TTC28: variants seen among roughly 807,000 people sequenced by gnomAD.
TTC28 encodes tetratricopeptide repeat domain 28.
In TTC28, 61 loss-of-function variants were observed where a neutral mutation model predicts 198.0. The observed-to-expected ratio is 0.31, with a 90% confidence interval of 0.25 to 0.38. TTC28 has a LOEUF of 0.38. Ranked by LOEUF, TTC28 falls within the 10% of genes least tolerant of loss-of-function variation. The pLI, the probability that TTC28 is intolerant of heterozygous loss-of-function variation, is 1.00. For synonymous variants in TTC28, 1,171 were observed against 1,297.8 expected (o/e 0.90, Z 2.10); for missense variants, 2,678 against 3,164.0 (o/e 0.85, Z 3.69).
chr22:28,442,644 G>A (rs1443585635), intron 2 of TTC28, among the ~76,000 whole-genome samples: 14 of 152,218 alleles, frequency 9.2e-5, no homozygotes, highest in Admixed American at 2.6e-4. Context: ...GGGTGCTTCC[G>A]AGCTGTCACC....
At chr22:28,017,128 G>A (rs1938407680) in intron 13 of TTC28, among the ~76,000 whole-genome samples, 1 of 152,218 alleles carries the variant, frequency 6.6e-6, no homozygotes, top group South Asian at 2.1e-4. Flanking sequence ...TGGAGAGGAT[G>A]GCTGCAGCAC....
intron 2 of TTC28, among the ~76,000 whole-genome samples, chr22:28,332,680 A>C (rs1292612710): frequency 6.6e-6 from 1 of 152,132 alleles, no homozygotes; most frequent in Non-Finnish European, 1.5e-5. Context: ...AGAAATACTC[A>C]TTTGTAAAAC....
intron 2 of TTC28, among the ~76,000 whole-genome samples, chr22:28,359,318 C>T (rs1177121052): frequency 6.6e-6 from 1 of 152,172 alleles, no homozygotes; most frequent in Non-Finnish European, 1.5e-5. Context: ...GTTTGTTTGA[C>T]TGTAGTCATG....
intron 2 of TTC28, among the ~76,000 whole-genome samples, chr22:28,537,537 C>T (rs2145921603): frequency 6.6e-6 from 1 of 151,704 alleles, no homozygotes; most frequent in South Asian, 2.1e-4. Flanking sequence ...CAAAAGTAAA[C>T]ATTTTTAAAT....
chr22:28,209,877 G>GCTC (rs1569199684), intron 5 of TTC28, among the ~76,000 whole-genome samples: 1 of 152,184 alleles, frequency 6.6e-6, no homozygotes, highest in African/African-American at 2.4e-5. Context: ...CTAACTGAGA[G>GCTC]ACACCTCCCA....
chr22:28,623,644 G>T (rs62235676), intron 2 of TTC28, among the ~76,000 whole-genome samples: 2,400 of 152,102 alleles, frequency 0.016, 16 homozygotes, highest in Non-Finnish European at 0.022. Context: ...CCACATGCAA[G>T]GCCATAAAAC....
chr22:28,356,517 G>A (rs134506), intron 2 of TTC28, among the ~76,000 whole-genome samples: 133,206 of 152,264 alleles, frequency 0.87, 58,442 homozygotes, highest in East Asian at 0.99. Context: ...CCATGGTCAC[G>A]CTCTCAACAA....
intron 5 of TTC28, among the ~76,000 whole-genome samples, chr22:28,218,285 A>T (rs888514229): frequency 6.6e-6 from 1 of 152,168 alleles, no homozygotes; most frequent in African/African-American, 2.4e-5. Flanking sequence ...AAGGCTACAG[A>T]TCTTCCAAAT....
chr22:28,260,078 C>T lies in TTC28; in HGVS notation c.933+36120G>A, dbSNP rs536663196. On this transcript the variant is annotated intron_variant, in intron 5 of 22. Coordinates refer to ENST00000397906, the MANE Select transcript of TTC28 (RefSeq NM_001145418.2). The stretch of plus-strand genomic sequence containing the variant: ...TTGGATGAACACTTCAGAGAAAAGA[C>T]GGGAACAGATGTGAAAGATGTAATA... Among the ~76,000 whole-genome samples the T allele has an allele frequency of 3.9e-5, 6 of 152,214 alleles. No individual in the cohort carries two copies. In the East Asian group the frequency reaches 5.8e-4, roughly 15 times the overall value.
chr22:28,265,783 G>A (rs1931644518), intron 5 of TTC28, among the ~76,000 whole-genome samples: 1 of 152,132 alleles, frequency 6.6e-6, no homozygotes, highest in Admixed American at 6.6e-5. Context: ...AAAGATCTTA[G>A]AACAGAAAAT....
At chr22:28,043,734 G>A (rs1337445066) in intron 12 of TTC28, among the ~76,000 whole-genome samples, 1 of 152,166 alleles carries the variant, frequency 6.6e-6, no homozygotes, top group African/African-American at 2.4e-5. Context: ...GAGGATTGCT[G>A]TTGGGGGAGA....
intron 2 of TTC28, among the ~76,000 whole-genome samples, chr22:28,335,675 T>C (rs978770532): frequency 6.6e-6 from 1 of 152,236 alleles, no homozygotes; most frequent in Non-Finnish European, 1.5e-5. Flanking sequence ...TTGTGATTTT[T>C]GCACATTGAT....
intron 2 of TTC28, among the ~76,000 whole-genome samples, chr22:28,469,454 C>T (rs2048070401): frequency 6.6e-6 from 1 of 151,998 alleles, no homozygotes; most frequent in African/African-American, 2.4e-5. Context: ...GTACTTTGCA[C>T]ATGTGATCAA....
chr22:28,105,411 A>G lies in TTC28; in HGVS notation c.3175T>C (p.Tyr1059His). 2 of 1,551,762 alleles carry G rather than the reference A, an allele frequency of 1.3e-6. No individual in the cohort carries two copies. Among genetic ancestry groups the G allele is most frequent in the Non-Finnish European group, 1.7e-6 (2 of 1,147,010 alleles). ...SLGTFERAVV[Y>H]QEQHLSIAAQ... ...GCAATGCTCAAGTGCTGTTCTTGAT[A>G]GACCACAGCCCTCTCGAAGGTGCCC... The change falls in exon 8 of 23, where the codon TAT (tyrosine) becomes CAT (histidine). Residue 1059 changes from tyrosine (Y) to histidine (H), a missense_variant. Coordinates refer to ENST00000397906, the MANE Select transcript of TTC28 (RefSeq NM_001145418.2).
Position 28,020,669 on chromosome 22 carries a change from C to T in TTC28, c.4074-6277G>A, listed in dbSNP as rs528177447. On this transcript the variant is annotated intron_variant, in intron 13 of 22. Coordinates refer to ENST00000397906, the MANE Select transcript of TTC28 (RefSeq NM_001145418.2). ...TCTGTGCTGCAGCAGTGCCTGCGAG[C>T]GAGGATGAGCCTGTGTGCAGCTGCT... Among the ~76,000 whole-genome samples the T allele has an allele frequency of 9.8e-4, 149 of 152,274 alleles. 1 individual carries two copies. Among genetic ancestry groups the T allele is most frequent in the African/African-American group, 3.4e-3 (141 of 41,564 alleles).
At chr22:28,021,462 G>A (rs971153464) in intron 13 of TTC28, among the ~76,000 whole-genome samples, 8 of 152,126 alleles carry the variant, frequency 5.3e-5, no homozygotes, top group Non-Finnish European at 1.0e-4. Flanking sequence ...GCTCCTCACG[G>A]CACCAAAGAG....
chr22:28,602,131 C>T (rs2050649597), intron 2 of TTC28, among the ~76,000 whole-genome samples: 1 of 152,098 alleles, frequency 6.6e-6, no homozygotes, highest in Non-Finnish European at 1.5e-5. Context: ...AAGGAAAGCA[C>T]ATGGAATATA....
chr22:28,056,479 T>A (rs187702295), intron 12 of TTC28: 1 of 152,214 alleles, frequency 6.6e-6, no homozygotes, highest in African/African-American at 2.4e-5. Flanking sequence ...CTTTATCACA[T>A]ACCTGTCCAA....
intron 2 of TTC28, among the ~76,000 whole-genome samples, chr22:28,526,198 A>G (rs2049000908): frequency 6.6e-6 from 1 of 152,216 alleles, no homozygotes; most frequent in South Asian, 2.1e-4. Flanking sequence ...ACTAACAATA[A>G]TAAGTATCTA....
Sources: allele counts gnomAD v4.1 joint callset (sites outside exome capture counted in the v4.1 genomes callset), GRCh38; gene constraint gnomAD v4.1.1; transcripts MANE v1.5; gene names NCBI Gene and HGNC (gene_info 2026-07-23, HGNC 2026-07-21).